The following EMSY variants were observed in gnomAD, a reference collection of about 807,000 sequenced individuals.
EMSY encodes EMSY transcriptional repressor, BRCA2 interacting, also known as BRCA2-interacting transcriptional repressor EMSY.
A neutral mutation model predicts 134.6 loss-of-function variants in EMSY; 26 were observed. The observed-to-expected ratio is 0.19, with a 90% CI of 0.14 to 0.27. EMSY has a LOEUF of 0.27. Ranked by LOEUF, EMSY falls within the 10% of genes least tolerant of loss-of-function variation. The probability of loss-of-function intolerance (pLI) is 1.00; values close to 1 mark genes in which losing one functional copy is unlikely to be tolerated. For missense variants in EMSY, 1,305 were observed against 1,611.4 expected (o/e 0.81, Z 3.26); for synonymous variants, 579 against 577.8 (o/e 1.00, Z -0.03).
chr11:76,447,488 C>A (rs1565264648), intron 2 of EMSY, among the ~76,000 whole-genome samples: 1 of 152,174 alleles, frequency 6.6e-6, no homozygotes, highest in African/African-American at 2.4e-5. Context: ...CAATTACATA[C>A]TATTTCTGAA....
intron 9 of EMSY, among the ~76,000 whole-genome samples, chr11:76,498,194 TCA>T (rs1465415647): frequency 1.3e-5 from 2 of 152,204 alleles, no homozygotes; most frequent in African/African-American, 4.8e-5. Context: ...ACACACTGTA[TCA>T]TTTCAATTCT....
intron 12 of EMSY, among the ~76,000 whole-genome samples, chr11:76,525,498 A>G (rs1352857291): frequency 6.6e-6 from 1 of 152,228 alleles, no homozygotes; most frequent in African/African-American, 2.4e-5. Flanking sequence ...TGATGAGGTG[A>G]AAATTCTCAA....
At chr11:76,474,856 C>T (rs944529636) in intron 8 of EMSY, among the ~76,000 whole-genome samples, 3 of 152,086 alleles carry the variant, frequency 2.0e-5, no homozygotes, top group Admixed American at 6.5e-5. Context: ...CTCCGCCTCC[C>T]GGGTTCAAGC....
At chr11:76,457,564 C>T (rs768392090) in intron 4 of EMSY, among the ~76,000 whole-genome samples, 5 of 152,112 alleles carry the variant, frequency 3.3e-5, no homozygotes, top group African/African-American at 1.2e-4. Context: ...CTTCTAGTGT[C>T]GTTAGATCTA....
intron 3 of EMSY, among the ~76,000 whole-genome samples, chr11:76,452,758 A>G (rs956181008): frequency 1.3e-5 from 2 of 152,238 alleles, no homozygotes; most frequent in Admixed American, 6.5e-5. Flanking sequence ...TGTAGAAGAT[A>G]TGCAGCTAAA....
At chr11:76,518,853 C>A (rs926468109) in intron 11 of EMSY, among the ~76,000 whole-genome samples, 1 of 79,034 alleles carries the variant, frequency 1.3e-5, no homozygotes, top group South Asian at 6.0e-4. Flanking sequence ...TACTTATAGG[C>A]TGTCTTGTGT....
chr11:76,486,011 T>G (rs1949162939), intron 8 of EMSY, among the ~76,000 whole-genome samples: 1 of 152,202 alleles, frequency 6.6e-6, no homozygotes, highest in Admixed American at 6.5e-5. Context: ...CAAATGCCCA[T>G]CAGTGGTAGA....
At position 76,517,878 on chromosome 11, in the gene EMSY, T is replaced by C. The variant is rs140706594; in HGVS notation, c.1684+1566T>C. Among the ~76,000 whole-genome samples, 297 of 152,332 alleles carry C rather than the reference T, an allele frequency of 1.9e-3. 1 individual carries two copies. Among genetic ancestry groups the C allele is most frequent in the African/African-American group, 6.9e-3 (286 of 41,578 alleles). ...TTTATTCATTGTGTGGTGCTCATTA[T>C]GTCTCTATCTCTGCTTCATTGACAC... On this transcript the variant is annotated intron_variant, in intron 11 of 20. Transcript: ENST00000334736.
At chr11:76,488,128 A>G (rs915961123) in intron 8 of EMSY, among the ~76,000 whole-genome samples, 4 of 152,226 alleles carry the variant, frequency 2.6e-5, no homozygotes, top group Non-Finnish European at 5.9e-5. Context: ...TCTTTGTTTC[A>G]GTGATATTCA....
intron 9 of EMSY, among the ~76,000 whole-genome samples, chr11:76,499,016 C>T (rs1159282750): frequency 6.6e-6 from 1 of 152,226 alleles, no homozygotes; most frequent in Non-Finnish European, 1.5e-5. Context: ...GGCTGGAGTG[C>T]AGTGGCACAA....
At chr11:76,542,462 G>C in intron 18 of EMSY, 95 bp downstream of exon 19, 1 of 1,447,386 alleles carries the variant, frequency 6.9e-7, no homozygotes. Flanking sequence ...GAAATAATTG[G>C]AACGTAGAGT....
chr11:76,498,812 A>G (rs1949746018), intron 9 of EMSY, among the ~76,000 whole-genome samples: 1 of 152,212 alleles, frequency 6.6e-6, no homozygotes, highest in Admixed American at 6.5e-5. Flanking sequence ...TAATTAATAT[A>G]GCCACTCCTA....
chr11:76,545,153 G>A (rs1951596334), intron 19 of EMSY, among the ~76,000 whole-genome samples: 1 of 152,076 alleles, frequency 6.6e-6, no homozygotes, highest in African/African-American at 2.4e-5. Context: ...TTATTTCCAT[G>A]CCTATAAACT....
chr11:76,546,702 A>C (rs964217709), intron 20 of EMSY, among the ~76,000 whole-genome samples: 1 of 152,196 alleles, frequency 6.6e-6, no homozygotes, highest in Admixed American at 6.5e-5. Context: ...TTGCACTTCT[A>C]TTTCAAGTTA....
chr11:76,486,590 A>T (rs1439955440), intron 8 of EMSY, among the ~76,000 whole-genome samples: 3 of 152,224 alleles, frequency 2.0e-5, no homozygotes, highest in Middle Eastern at 3.4e-3. Context: ...AGTGATGATG[A>T]TCAAAGTAGT....
At chr11:76,449,489 T>C (rs1406169834) in intron 2 of EMSY, among the ~76,000 whole-genome samples, 4 of 152,232 alleles carry the variant, frequency 2.6e-5, no homozygotes, top group Non-Finnish European at 4.4e-5. Context: ...AATGTCTTGA[T>C]CATCATAAAT....
At position 76,526,455 on chromosome 11, in the gene EMSY, A is replaced by C. The variant is rs374268098; in HGVS notation, c.1822-7A>C. 1.8e-5 allele frequency: 29 copies of C among 1,587,966 alleles called. No individual in the cohort carries two copies. In the African/African-American group the frequency reaches 3.8e-4, roughly 21 times the overall value. ...AATCTCTTATATAATCATTGACTTC[A>C]ATTTAGGGAGAAAAGACTATTCAGA... On this transcript the variant is annotated splice_region_variant and splice_polypyrimidine_tract_variant and intron_variant, in intron 12 of 20. Transcript: ENST00000334736.
intron 8 of EMSY, among the ~76,000 whole-genome samples, chr11:76,495,826 A>G (rs1172761558): frequency 3.9e-5 from 6 of 152,202 alleles, no homozygotes; most frequent in Non-Finnish European, 5.9e-5. Flanking sequence ...TATATAACAT[A>G]TAAATAAGAT....
rs752909886 is a variant in EMSY at position 76,451,966 on chromosome 11, T to C, written c.170+9T>C. On this transcript the variant is annotated intron_variant, in intron 3 of 20. Transcript: ENST00000334736. ...CTATCAAAAGTTCTTAGGTAAATTA[T>C]TGTAAATGTTTGTGAGACTCTAGAA... is the stretch of plus-strand genomic sequence containing the variant. 4.7e-6 allele frequency: 7 copies of C among 1,499,528 alleles called. No individual in the cohort carries two copies. The highest frequency in any genetic ancestry group is 4.3e-5 in the African/African-American group (3 of 69,742). 92.9% of individuals were successfully genotyped at this position (1,499,528 alleles called of 1,614,324 possible). A position where few individuals can be genotyped will look rare whatever the true frequency, so the allele number is the denominator to read the frequency against.
Sources: allele counts gnomAD v4.1 joint callset (sites outside exome capture counted in the v4.1 genomes callset), GRCh38; gene constraint gnomAD v4.1.1; transcripts MANE v1.5; gene names NCBI Gene and HGNC (gene_info 2026-07-23, HGNC 2026-07-21).